Variants in NDST4 observed in about 807,000 individuals in gnomAD.
NDST4 encodes N-heparan sulfate sulfotransferase 4.
In NDST4, 63 loss-of-function variants were observed where a neutral mutation model predicts 100.8. That is an observed-to-expected ratio of 0.62 (90% CI 0.51 to 0.77). The LOEUF (loss-of-function observed/expected upper bound fraction) is 0.77. NDST4 is among the 30% of genes least tolerant of loss of function. The pLI is 0.00. For synonymous variants in NDST4, 377 were observed against 361.8 expected, an observed-to-expected ratio of 1.04 and a Z score of -0.48; for missense variants, 943 against 1,018.4, an observed-to-expected ratio of 0.93 and a Z score of 1.01.
intron 6 of NDST4, among the ~76,000 whole-genome samples, chr4:114,898,704 A>T (rs966878018): frequency 1.3e-5 from 2 of 151,934 alleles, no homozygotes; most frequent in African/African-American, 2.4e-5. Flanking sequence ...TTATTCTTTG[A>T]CTTATTTTAT....
chr4:115,104,051 G>T (rs1402420320), intron 1 of NDST4, among the ~76,000 whole-genome samples: 1 of 152,066 alleles, frequency 6.6e-6, no homozygotes, highest in Non-Finnish European at 1.5e-5. Context: ...CTGGTTTGGT[G>T]GAAAATACTG....
chr4:114,958,136 C>T (rs1489480033), intron 4 of NDST4, among the ~76,000 whole-genome samples: 4 of 152,248 alleles, frequency 2.6e-5, no homozygotes, highest in African/African-American at 9.6e-5. Flanking sequence ...CCCTTCCTCA[C>T]TGCCCTAGCA....
At chr4:114,999,475 T>C (rs775986200) in intron 2 of NDST4, among the ~76,000 whole-genome samples, 10 of 152,148 alleles carry the variant, frequency 6.6e-5, no homozygotes, top group Non-Finnish European at 1.3e-4. Flanking sequence ...AAGTGCTCCA[T>C]AAAAGCAAGT....
rs1333839665 is a variant in NDST4, at chr4:114,848,249, A to G, written c.1906T>C (p.Phe636Leu). The G allele has an allele frequency of 1.9e-6, 3 of 1,610,242 alleles. No homozygotes were observed. The highest frequency in any genetic ancestry group is 2.5e-6 in the Non-Finnish European group (3 of 1,178,820). Residue 636 changes from phenylalanine (F) to leucine (L), a missense_variant, in exon 9 of 14, where the codon TTT (phenylalanine) becomes CTT (leucine). By Grantham distance (22) the Phe-to-Leu change is conservative. Around this residue, in one of 2 missense-constraint regions of NDST4, gnomAD observed 526 missense variants for 634.1 expected, o/e 0.83. Coordinates refer to ENST00000264363, the MANE Select transcript of NDST4 (RefSeq NM_022569.3). ...SPKTFEEVQF[F>L]NGNNYHKGID... is the part of the protein sequence containing the mutation. ...CCTTTGTGATAGTTGTTGCCATTAA[A>G]GAACTGAACTTCCTCAAATGTCTTT...
At chr4:114,974,003 T>C (rs1726574763) in intron 3 of NDST4, among the ~76,000 whole-genome samples, 1 of 151,910 alleles carries the variant, frequency 6.6e-6, no homozygotes, top group African/African-American at 2.4e-5. Flanking sequence ...GCCATATGAA[T>C]TGTCTACTAT....
intron 2 of NDST4, among the ~76,000 whole-genome samples, chr4:115,044,522 C>T (rs1728423684): frequency 6.6e-6 from 1 of 151,624 alleles, no homozygotes; most frequent in Non-Finnish European, 1.5e-5. Context: ...TAAACTGAAG[C>T]CCATGGCAAG....
chr4:114,848,473 T>C, intron 8 of NDST4, 135 bp from the exon 9 acceptor site: 1 of 660,304 alleles, frequency 1.5e-6, no homozygotes, highest in East Asian at 2.8e-5. Context: ...TAAAATCAAC[T>C]AGATGCATTC....
At chr4:114,828,177 T>A (rs1303110681) in intron 13 of NDST4, among the ~76,000 whole-genome samples, 1 of 152,126 alleles carries the variant, frequency 6.6e-6, no homozygotes, top group African/African-American at 2.4e-5. Flanking sequence ...TTACGGCACA[T>A]ATTTATTGTG....
At chr4:115,112,333 C>A (rs1729972256) in intron 1 of NDST4, among the ~76,000 whole-genome samples, 1 of 151,732 alleles carries the variant, frequency 6.6e-6, no homozygotes, top group East Asian at 1.9e-4. Flanking sequence ...AGGATTTTAA[C>A]CATGTTGTTG....
intron 2 of NDST4, among the ~76,000 whole-genome samples, chr4:115,069,244 G>C (rs950637655): frequency 5.9e-5 from 9 of 152,248 alleles, no homozygotes; most frequent in African/African-American, 2.2e-4. Context: ...TATATAGTGG[G>C]CAAGTCTAAC....
chr4:114,994,491 T>C (rs908415485), intron 2 of NDST4, among the ~76,000 whole-genome samples: 3 of 151,968 alleles, frequency 2.0e-5, no homozygotes, highest in African/African-American at 7.2e-5. Context: ...TAAGTGTGTA[T>C]GGGATGAATG....
intron 4 of NDST4, among the ~76,000 whole-genome samples, chr4:114,944,706 A>C (rs1725823068): frequency 6.6e-6 from 1 of 152,188 alleles, no homozygotes; most frequent in Admixed American, 6.5e-5. Flanking sequence ...ACTGATTTTG[A>C]TTATCACAGC....
In NDST4 at chr4:115,073,079, T is replaced by C. The variant is rs567548871; in HGVS notation, c.978+2980A>G. ...AATAGGTTTATAAAAATAACATCGCTAACTATCAGGGAAATGCGTGTCAAA... is the reference window on the plus strand; with the variant it reads ...AATAGGTTTATAAAAATAACATCGCCAACTATCAGGGAAATGCGTGTCAAA... On this transcript the variant is annotated intron_variant, in intron 2 of 13. Transcript: ENST00000264363. Among the ~76,000 whole-genome samples, 9 of 152,050 alleles carry C rather than the reference T, an allele frequency of 5.9e-5. 1 individual carries two copies. The East Asian group carries it at 1.7e-3, about 29-fold the overall frequency.
intron 8 of NDST4, among the ~76,000 whole-genome samples, chr4:114,852,432 C>T (rs576466670): frequency 9.9e-5 from 15 of 152,158 alleles, no homozygotes; most frequent in South Asian, 4.1e-4. Flanking sequence ...AGATGAGGTA[C>T]AACAACTGAG....
intron 7 of NDST4, among the ~76,000 whole-genome samples, chr4:114,853,804 CTTAATTTTTAATTTT>C (rs767926703): frequency 1.3e-5 from 2 of 151,948 alleles, no homozygotes; most frequent in African/African-American, 4.8e-5. Context: ...TCCTTTTTCA[CTTAATTTTTAATTTT>C]TTAATTTTTA....
intron 2 of NDST4, among the ~76,000 whole-genome samples, chr4:115,056,715 A>T (rs541096163): frequency 9.6e-4 from 146 of 152,236 alleles, no homozygotes; most frequent in African/African-American, 3.4e-3. Flanking sequence ...CTCAGAAAAA[A>T]ATATTTATTT....
At chr4:115,084,552 A>C (rs971259784) in intron 1 of NDST4, among the ~76,000 whole-genome samples, 1 of 152,092 alleles carries the variant, frequency 6.6e-6, no homozygotes, top group Non-Finnish European at 1.5e-5. Context: ...GGATTCATGC[A>C]CCAGGTCCAG....
intron 11 of NDST4, among the ~76,000 whole-genome samples, chr4:114,835,393 G>T (rs1361569641): frequency 3.3e-5 from 5 of 152,216 alleles, no homozygotes; most frequent in African/African-American, 9.7e-5. Context: ...TCACCCAGGA[G>T]CAGGTTGCTC....
chr4:115,025,044 G>T (rs1186523433), intron 2 of NDST4, among the ~76,000 whole-genome samples: 1 of 152,112 alleles, frequency 6.6e-6, no homozygotes, highest in Non-Finnish European at 1.5e-5. Context: ...AGATGCTGGT[G>T]CTATGTCCCT....
Sources: gnomAD v4.1 joint callset for allele counts (sites outside exome capture counted in the v4.1 genomes callset) on GRCh38, gnomAD v4.1.1 for gene constraint, gnomAD v4.1.1 regional missense constraint, MANE v1.5 for transcripts, NCBI Gene and HGNC (gene_info 2026-07-23, HGNC 2026-07-21) for gene names.